PCDH15: variants seen among roughly 807,000 people sequenced by gnomAD.
PCDH15 encodes the protein protocadherin related 15.
PCDH15 carries 129 observed loss-of-function variants against 178.5 expected under a neutral mutation model. The ratio of observed to expected loss-of-function variants is 0.72; its 90% CI spans 0.63 to 0.84. The LOEUF is 0.84. Ranked by LOEUF, PCDH15 falls within the 40% of genes least tolerant of loss-of-function variation. The probability of loss-of-function intolerance (pLI) is 0.00; values close to 1 mark genes in which losing one functional copy is unlikely to be tolerated. For synonymous variants in PCDH15, 800 were observed against 732.0 expected, an observed-to-expected ratio of 1.09 and a Z score of -1.50; for missense variants, 2,230 against 2,099.9, an observed-to-expected ratio of 1.06 and a Z score of -1.21.
At chr10:54,551,345 T>G (rs2086590107) in intron 2 of PCDH15, among the ~76,000 whole-genome samples, 1 of 152,016 alleles carries the variant, frequency 6.6e-6, no homozygotes, top group Non-Finnish European at 1.5e-5. Flanking sequence ...CTAAACTAAA[T>G]TAAAGGGATG....
At chr10:55,162,552 C>T (rs1196543433) in intron 2 of PCDH15, among the ~76,000 whole-genome samples, 1 of 152,132 alleles carries the variant, frequency 6.6e-6, no homozygotes, top group Admixed American at 6.5e-5. Flanking sequence ...TTAGTCATTC[C>T]TGGGCATGGG....
At chr10:54,757,740 CAGAG>C (rs760710539) in intron 1 of PCDH15, among the ~76,000 whole-genome samples, 1 of 151,472 alleles carries the variant, frequency 6.6e-6, no homozygotes, top group African/African-American at 2.4e-5. Flanking sequence ...GAGAGAGAGA[CAGAG>C]AGAGAGAGAA....
At chr10:54,928,848 A>G (rs952656647) in intron 2 of PCDH15, among the ~76,000 whole-genome samples, 23 of 152,178 alleles carry the variant, frequency 1.5e-4, no homozygotes, top group African/African-American at 5.5e-4. Context: ...GTGATTCATA[A>G]CTTTATTGGA....
intron 2 of PCDH15, among the ~76,000 whole-genome samples, chr10:54,937,326 G>T (rs936594611): frequency 2.6e-5 from 4 of 151,782 alleles, no homozygotes; most frequent in Non-Finnish European, 5.9e-5. Flanking sequence ...TTTAGATCTG[G>T]CTTGCGAATT....
intron 2 of PCDH15, among the ~76,000 whole-genome samples, chr10:55,413,559 ATATC>A (rs146997044): frequency 0.022 from 3,363 of 151,790 alleles, 119 homozygotes; most frequent in African/African-American, 0.077. Flanking sequence ...TTGGATTTAT[ATATC>A]TATCTATGTA....
chr10:55,611,451 G>A (rs1843362872), intron 2 of PCDH15, among the ~76,000 whole-genome samples: 1 of 151,934 alleles, frequency 6.6e-6, no homozygotes. Context: ...AAATTAAAAT[G>A]AGATTTCACC....
chr10:55,596,613 G>A (rs1176084892), intron 2 of PCDH15, among the ~76,000 whole-genome samples: 1 of 151,958 alleles, frequency 6.6e-6, no homozygotes, highest in Non-Finnish European at 1.5e-5. Flanking sequence ...TATTAAAAAA[G>A]TAAGGCATGA....
At chr10:54,718,270 T>TTA (rs372282360) in intron 1 of PCDH15, among the ~76,000 whole-genome samples, 17,625 of 150,212 alleles carry the variant, frequency 0.12, 1,202 homozygotes, top group African/African-American at 0.16. Flanking sequence ...ATAATAATAA[T>TTA]AATAAAAAGA....
chr10:54,334,266 T>C (rs762990064), intron 6 of PCDH15, among the ~76,000 whole-genome samples: 1 of 152,158 alleles, frequency 6.6e-6, no homozygotes, highest in Non-Finnish European at 1.5e-5. Flanking sequence ...TTAAGCAATT[T>C]ATCACTATCA....
chr10:54,731,799 G>A (rs67274280), intron 1 of PCDH15, among the ~76,000 whole-genome samples: 15,519 of 150,450 alleles, frequency 0.1, 848 homozygotes, highest in Admixed American at 0.12. Context: ...GGCCAGGAAA[G>A]GTAGATGGGA....
At chr10:54,201,903 T>A (rs2050271443) in intron 10 of PCDH15, among the ~76,000 whole-genome samples, 1 of 152,248 alleles carries the variant, frequency 6.6e-6, no homozygotes, top group Non-Finnish European at 1.5e-5. Flanking sequence ...TGCACATTCT[T>A]GCCAGTCTTA....
chr10:54,463,893 C>G (rs555706965), intron 3 of PCDH15, among the ~76,000 whole-genome samples: 6 of 152,180 alleles, frequency 3.9e-5, no homozygotes, highest in African/African-American at 1.4e-4. Flanking sequence ...GGAAGAAACA[C>G]AGAGAAGAGG....
At chr10:54,780,872 T>G (rs1392866392) in intron 1 of PCDH15, among the ~76,000 whole-genome samples, 2 of 151,912 alleles carry the variant, frequency 1.3e-5, no homozygotes, top group Non-Finnish European at 2.9e-5. Context: ...TCAACAGAGA[T>G]CAAAACTAAA....
intron 2 of PCDH15, among the ~76,000 whole-genome samples, chr10:55,608,884 T>C (rs1843291845): frequency 1.3e-5 from 2 of 152,002 alleles, no homozygotes; most frequent in South Asian, 4.1e-4. Context: ...CTGAGAGGCC[T>C]GGGGATCCTT....
chr10:54,877,932 CTCTCTCTTTTTTTTTTTTTTT>C (rs1954175502), intron 3 of PCDH15, among the ~76,000 whole-genome samples: 1 of 4,536 alleles, frequency 2.2e-4, no homozygotes, highest in Non-Finnish European at 5.8e-4. Context: ...CTTTCTCTCT[CTCTCTCTTTTTTTTTTTTTTT>C]TTTTTTTTTT....
chr10:53,832,090 CAAACCA>C (rs2077049189), intron 29 of PCDH15, among the ~76,000 whole-genome samples: 1 of 150,932 alleles, frequency 6.6e-6, no homozygotes, highest in South Asian at 2.1e-4. Context: ...TCTCAAGTTT[CAAACCA>C]AAAGAATGTT....
chr10:53,944,987 A>G (rs113472324), intron 23 of PCDH15, among the ~76,000 whole-genome samples: 1,527 of 152,342 alleles, frequency 0.01, 8 homozygotes, highest in Middle Eastern at 0.02. Context: ...CGTTTTAAAC[A>G]AAATCTACAG....
rs190357526 is a variant in PCDH15, at chr10:54,844,296, A to G, written c.-29+53154T>C. On this transcript the variant is annotated intron_variant, in intron 3 of 5. Transcript: ENST00000458638. ...CAGAGACAGAGAAAAAGAACAAACTATTTGTTAAAATCAAGATACAGTACA... is the reference window on the plus strand; with the variant it reads ...CAGAGACAGAGAAAAAGAACAAACTGTTTGTTAAAATCAAGATACAGTACA... 6.6e-5 allele frequency among the ~76,000 whole-genome samples: 10 copies of G among 152,152 alleles called. No individual in the cohort carries two copies. In the East Asian group the frequency reaches 1.9e-3, roughly 29 times the overall value.
intron 8 of PCDH15, among the ~76,000 whole-genome samples, chr10:54,259,347 A>C (rs2057149548): frequency 6.6e-6 from 1 of 152,122 alleles, no homozygotes; most frequent in African/African-American, 2.4e-5. Context: ...CAGGGCCCTG[A>C]ATGGATTCAG....
Sources: allele counts gnomAD v4.1 joint callset (sites outside exome capture counted in the v4.1 genomes callset), GRCh38; gene constraint gnomAD v4.1.1; transcripts MANE v1.5; gene names NCBI Gene and HGNC (gene_info 2026-07-23, HGNC 2026-07-21).